KREMEN1: variants seen among roughly 807,000 people sequenced by gnomAD.
KREMEN1 encodes the protein kringle containing transmembrane protein 1.
A neutral mutation model predicts 46.5 loss-of-function variants in KREMEN1; 30 were observed. The observed-to-expected ratio is 0.65, with a 90% confidence interval of 0.48 to 0.88. The LOEUF is 0.88. KREMEN1 is among the 40% of genes least tolerant of loss of function. The probability of loss-of-function intolerance (pLI) is 0.00; values close to 1 mark genes in which losing one functional copy is unlikely to be tolerated. For missense variants in KREMEN1, 533 were observed against 596.9 expected (o/e 0.89, Z 1.11); for synonymous variants, 214 against 230.6 (o/e 0.93, Z 0.65).
intron 3 of KREMEN1, among the ~76,000 whole-genome samples, chr22:29,116,826 G>A (rs2038247895): frequency 6.6e-6 from 1 of 152,174 alleles, no homozygotes; most frequent in African/African-American, 2.4e-5. Flanking sequence ...GACCAGAGAA[G>A]CTTGACTCAC....
downstream of KREMEN1, among the ~76,000 whole-genome samples, chr22:29,149,094 C>A (rs2038896022): frequency 6.6e-6 from 1 of 152,116 alleles, no homozygotes; most frequent in South Asian, 2.1e-4. Flanking sequence ...CACCACTGTC[C>A]CCTCCCTGGC....
chr22:29,166,481 C>T (rs1426439716), intron 9 of KREMEN1, among the ~76,000 whole-genome samples: 2 of 152,184 alleles, frequency 1.3e-5, no homozygotes, highest in East Asian at 3.8e-4. Flanking sequence ...GAGCCTAAGC[C>T]TCGAACTCTG....
Position 29,158,877 on chromosome 22 carries a change from G to C in KREMEN1, c.1417-8167G>C, listed in dbSNP as rs181956488. Among the ~76,000 whole-genome samples the C allele has an allele frequency of 1.8e-3, 281 of 152,278 alleles. 2 individuals carry two copies. The highest frequency in any genetic ancestry group is 3.2e-3 in the Non-Finnish European group (218 of 68,020). On this transcript the variant is annotated intron_variant, in intron 9 of 9. Transcript: ENST00000327813. ...GAGTCTCAGTCTGTTGCCCAGGCTG[G>C]CTCACTGCTCAGCTCGCTGCAACCT...
chr22:29,108,009 G>A (rs2038088127), intron 3 of KREMEN1, among the ~76,000 whole-genome samples: 1 of 152,158 alleles, frequency 6.6e-6, no homozygotes, highest in Non-Finnish European at 1.5e-5. Context: ...TTCTTGGCTG[G>A]GTGTGGTGGC....
At position 29,145,148 on chromosome 22, in the gene KREMEN1, T is replaced by TA. The variant is rs1469204931; in HGVS notation, c.*3039dup. On this transcript the variant is annotated 3_prime_UTR_variant, in exon 9 of 9. Transcript: ENST00000400335. ...CCCACAGAAGGCCACTGCGGCTAGG[T>TA]AAACACCTGAGAAAGAAACTGCTCC... is the stretch of plus-strand genomic sequence containing the variant. 1.6e-5 allele frequency: 16 copies of TA among 985,874 alleles called. No homozygotes were observed. The highest frequency in any genetic ancestry group is 1.9e-5 in the Non-Finnish European group (16 of 830,234). The allele number at this position is 985,874 out of a possible 1,614,324, so 61.1% of individuals were successfully genotyped here.
chr22:29,166,601 C>T (rs760720100), intron 9 of KREMEN1, among the ~76,000 whole-genome samples: 11 of 152,208 alleles, frequency 7.2e-5, no homozygotes, highest in Admixed American at 1.3e-4. Flanking sequence ...CAGCCTCTCT[C>T]AACTCTTTTA....
intron 5 of KREMEN1, among the ~76,000 whole-genome samples, chr22:29,133,805 CT>C (rs908655364): frequency 2.2e-4 from 33 of 152,132 alleles, no homozygotes; most frequent in African/African-American, 7.7e-4. Context: ...CTGTTCCATT[CT>C]TTTTTTCTTC....
intron 3 of KREMEN1, among the ~76,000 whole-genome samples, chr22:29,101,236 A>C (rs1175099026): frequency 1.4e-5 from 2 of 145,364 alleles, no homozygotes; most frequent in Non-Finnish European, 3.0e-5. Context: ...TGGGAAACAC[A>C]ACAAGAGTCT....
chr22:29,144,168 T>C lies in KREMEN1; in HGVS notation c.*2056T>C. 4.1e-6 allele frequency: 4 copies of C among 985,652 alleles called. No homozygotes were observed. The highest frequency in any genetic ancestry group is 4.8e-6 in the Non-Finnish European group (4 of 830,096). 61.1% of individuals were successfully genotyped at this position (985,652 alleles called of 1,614,324 possible). A position where few individuals can be genotyped will look rare whatever the true frequency, so the allele number is the denominator to read the frequency against. ...TTGCGCCTCTGGCTTTGGCGTTTCC[T>C]CTTTGCAGCACTTTGCCTACCTCCC... On this transcript the variant is annotated 3_prime_UTR_variant, in exon 9 of 9. Transcript: ENST00000400335.
chr22:29,144,956 G>A lies in KREMEN1; in HGVS notation c.*2844G>A. The A allele has an allele frequency of 4.1e-6, 4 of 985,510 alleles. No individual in the cohort carries two copies. Among genetic ancestry groups the A allele is most frequent in the Non-Finnish European group, 4.8e-6 (4 of 829,998 alleles). 61.0% of individuals were successfully genotyped at this position (985,510 alleles called of 1,614,324 possible). ...CCCTGGCATGGCCCAGCGCCTCTAG[G>A]ATCAACTTACGATCCGTGGAGCAGC... On this transcript the variant is annotated 3_prime_UTR_variant, in exon 9 of 9. Coordinates refer to ENST00000400335, the MANE Select transcript of KREMEN1 (RefSeq NM_001039570.3).
chr22:29,087,722 T>C (rs1159272115), intron 1 of KREMEN1, among the ~76,000 whole-genome samples: 5 of 152,160 alleles, frequency 3.3e-5, no homozygotes, highest in Non-Finnish European at 7.3e-5. Context: ...TGCACCAACA[T>C]GCTCGGCTAA....
At chr22:29,164,746 C>A (rs1299469549) in intron 9 of KREMEN1, among the ~76,000 whole-genome samples, 271 of 68,498 alleles carry the variant, frequency 4.0e-3, no homozygotes, top group East Asian at 0.016. Context: ...AACTCCATCT[C>A]AAAAAAAAAA....
rs2049115370 is a variant in KREMEN1 at position 29,094,380 on chromosome 22, C to T, written c.220C>T (p.Pro74Ser). 1.2e-6 allele frequency: 2 copies of T among 1,613,652 alleles called. No homozygotes were observed. The highest frequency in any genetic ancestry group is 3.3e-5 in the Admixed American group (2 of 59,948). ...GCATCCATACAACACTCTGAAATACCCCAACGGGGAGGGGGGCCTGGGTGA... is the reference window on the plus strand; with the variant it reads ...GCATCCATACAACACTCTGAAATACTCCAACGGGGAGGGGGGCCTGGGTGA... ...FQHPYNTLKY[P>S]NGEGGLGEHN... The change falls in exon 2 of 9, where the codon CCC becomes TCC. Residue 74 changes from proline (P) to serine (S), a missense_variant. Pro to Ser is a moderately conservative substitution (Grantham distance 74, BLOSUM62 -1). Coordinates refer to ENST00000400335, the MANE Select transcript of KREMEN1 (RefSeq NM_001039570.3).
chr22:29,114,445 C>T (rs2145798209), intron 3 of KREMEN1, among the ~76,000 whole-genome samples: 2 of 131,256 alleles, frequency 1.5e-5, no homozygotes, highest in South Asian at 2.4e-4. Context: ...AAGATCACAC[C>T]ATTGTACTCC....
At chr22:29,130,387 C>A (rs1368519106) in intron 5 of KREMEN1, among the ~76,000 whole-genome samples, 1 of 152,138 alleles carries the variant, frequency 6.6e-6, no homozygotes, top group Non-Finnish European at 1.5e-5. Flanking sequence ...TTCTGAGGTG[C>A]AACATTATTT....
At chr22:29,141,529 A>G (rs923352548) in intron 8 of KREMEN1, among the ~76,000 whole-genome samples, 1 of 152,242 alleles carries the variant, frequency 6.6e-6, no homozygotes, top group African/African-American at 2.4e-5. Context: ...AGTCCGGGCC[A>G]GCACCGGAGG....
chr22:29,158,882 C>G (rs551530648), intron 9 of KREMEN1, among the ~76,000 whole-genome samples: 1 of 151,460 alleles, frequency 6.6e-6, no homozygotes, highest in Non-Finnish European at 1.5e-5. Context: ...GGCTGGCTCA[C>G]TGCTCAGCTC....
chr22:29,143,845 C>A lies in KREMEN1; in HGVS notation c.*1733C>A. The A allele has an allele frequency of 1.0e-6, 1 of 985,356 alleles. No individual in the cohort carries two copies. The highest frequency in any genetic ancestry group is 1.2e-6 in the Non-Finnish European group (1 of 830,010). 61.0% of individuals were successfully genotyped at this position (985,356 alleles called of 1,614,324 possible). A position where few individuals can be genotyped will look rare whatever the true frequency, so the allele number is the denominator to read the frequency against. On this transcript the variant is annotated 3_prime_UTR_variant, in exon 9 of 9. Coordinates refer to ENST00000400335, the MANE Select transcript of KREMEN1 (RefSeq NM_001039570.3). ...CAGTGGGGAAGGAGAGCACTCTTGT[C>A]CCCAGTCCCTTGCCACCCTGTCCCT...
At chr22:29,095,451 T>C (rs1331280778) in intron 2 of KREMEN1, among the ~76,000 whole-genome samples, 1 of 152,224 alleles carries the variant, frequency 6.6e-6, no homozygotes, top group East Asian at 1.9e-4. Context: ...TGGTTATACA[T>C]TTGTGCTGCT....
Sources: gnomAD v4.1 joint callset for allele counts (sites outside exome capture counted in the v4.1 genomes callset) on GRCh38, gnomAD v4.1.1 for gene constraint, MANE v1.5 for transcripts, NCBI Gene and HGNC (gene_info 2026-07-23, HGNC 2026-07-21) for gene names.